Variants in CEP44 observed in about 807,000 individuals in gnomAD.
CEP44 encodes centrosomal protein of 44 kDa.
A neutral mutation model predicts 46.7 loss-of-function variants in CEP44; 45 were observed. The observed-to-expected ratio is 0.96, with a 90% CI of 0.76 to 1.24. The LOEUF is 1.24. Among genes scored for constraint, CEP44 ranks in the 50% most tolerant of loss-of-function variants. The pLI, the probability that CEP44 is intolerant of heterozygous loss-of-function variation, is 0.00. For synonymous variants in CEP44, 142 were observed against 146.0 expected, an observed-to-expected ratio of 0.97 and a Z score of 0.20; for missense variants, 475 against 459.7, an observed-to-expected ratio of 1.03 and a Z score of -0.30.
intron 6 of CEP44, among the ~76,000 whole-genome samples, chr4:174,304,665 TTGCTCTTAATTG>T (rs1447758703): frequency 1.3e-5 from 2 of 152,222 alleles, no homozygotes. Context: ...TTATCTACAT[TTGCTCTTAATTG>T]TGTTCTGGTC....
At chr4:174,295,580 CG>C (rs1560892529) in intron 1 of CEP44, among the ~76,000 whole-genome samples, 1 of 151,236 alleles carries the variant, frequency 6.6e-6, no homozygotes, top group African/African-American at 2.4e-5. Flanking sequence ...ACTTCCCAGA[CG>C]GGGTGGCGGC....
Position 174,331,564 on chromosome 4 carries a change from A to G in CEP44, c.1169A>G (p.Gln390Arg). ...GGGCATACTTCATACCTTTCATCAC[A>G]GAGCTTTGCTTGGCCTCTCTCCTGT... Residue 390 changes from glutamine (Q) to arginine (R), a missense_variant, in exon 9 of 9, where the codon CAG becomes CGG. Physicochemically the swap from Gln to Arg is conservative, Grantham distance 43. Coordinates refer to the CEP44 transcript ENST00000426172. This position sits in a 1 kb window ranked among gnomAD's most constrained non-coding sequence, Gnocchi z 4.5. The G allele has an allele frequency of 6.4e-7, 1 of 1,551,442 alleles. No homozygotes were observed. Among genetic ancestry groups the G allele is most frequent in the East Asian group, 2.4e-5 (1 of 40,906 alleles).
chr4:174,305,963 A>G (rs1273177640), intron 6 of CEP44, among the ~76,000 whole-genome samples: 1 of 152,186 alleles, frequency 6.6e-6, no homozygotes, highest in Non-Finnish European at 1.5e-5. Flanking sequence ...ATCTATTAAA[A>G]TTTATACCAG....
At chr4:174,330,213 G>T (rs1731243642) in intron 8 of CEP44, among the ~76,000 whole-genome samples, 1 of 152,026 alleles carries the variant, frequency 6.6e-6, no homozygotes, top group South Asian at 2.1e-4. Context: ...GATTGGCTGG[G>T]TGCAGTGGCT....
intron 1 of CEP44, among the ~76,000 whole-genome samples, chr4:174,291,837 C>G (rs949095626): frequency 4.2e-5 from 5 of 120,000 alleles, no homozygotes; most frequent in African/African-American, 1.3e-4. Flanking sequence ...GTTGCCCAGG[C>G]TGGAGTGCAG....
At chr4:174,303,666 T>G in intron 4 of CEP44, 37 bp from the exon 5 acceptor site, 3 of 1,377,774 alleles carry the variant, frequency 2.2e-6, no homozygotes, top group Non-Finnish European at 3.0e-6. Context: ...AGAAATAAAT[T>G]GCTCCCAATT....
chr4:174,304,373 T>C lies in CEP44; in HGVS notation c.507+4T>C. 1 of 1,604,216 alleles carries C rather than the reference T, an allele frequency of 6.2e-7. No homozygotes were observed. Among genetic ancestry groups the C allele is most frequent in the Non-Finnish European group, 8.5e-7 (1 of 1,177,564 alleles). On this transcript the variant is annotated splice_donor_region_variant and intron_variant, in intron 6 of 11. Transcript: ENST00000503780. ...CAGGTTTATGACCTCAGGAAAGGTA[T>C]GCAACCACAAAGAAAATATCATATT...
At chr4:174,291,776 C>CTTTTTTTT (rs1738224571) in intron 1 of CEP44, among the ~76,000 whole-genome samples, 1 of 84,216 alleles carries the variant, frequency 1.2e-5, no homozygotes, top group African/African-American at 4.3e-5. Context: ...ATTCTTTTAT[C>CTTTTTTTT]TTTTTCTTTT....
rs1366760128 is a variant in CEP44, at chr4:174,325,370, G to A, written c.1087-6112G>A. On this transcript the variant is annotated intron_variant, in intron 8 of 8. Transcript: ENST00000426172. This position sits in a 1 kb window ranked among gnomAD's most constrained non-coding sequence, Gnocchi z 4.4. ...ATTTATTCATCACTGAGAGAGGGGT[G>A]TAGCCATGTACAGTCACTCATGCCT... 6.6e-6 allele frequency among the ~76,000 whole-genome samples: 1 copy of A among 152,052 alleles called. No individual in the cohort carries two copies. Among genetic ancestry groups the A allele is most frequent in the Non-Finnish European group, 1.5e-5 (1 of 67,988 alleles).
At chr4:174,327,721 G>A (rs1253117258) in intron 8 of CEP44, among the ~76,000 whole-genome samples, 1 of 151,994 alleles carries the variant, frequency 6.6e-6, no homozygotes, top group Non-Finnish European at 1.5e-5. Context: ...AAAAGTTCTA[G>A]GAATACCTGG....
In CEP44 at chr4:174,308,671, A is replaced by C. The variant is rs775066766; in HGVS notation, c.508-18A>C. On this transcript the variant is annotated intron_variant, in intron 6 of 11. Coordinates refer to ENST00000503780, the MANE Select transcript of CEP44 (RefSeq NM_001040157.3). ...AGGAAAACATTGAAGTGTTTCTTACATATTTTTCTCTATGCAGAAGAAAGC... is the reference window on the plus strand; with the variant it reads ...AGGAAAACATTGAAGTGTTTCTTACCTATTTTTCTCTATGCAGAAGAAAGC... The C allele has an allele frequency of 1.3e-6, 2 of 1,575,220 alleles. No homozygotes were observed.
chr4:174,287,704 C>G lies in CEP44; in HGVS notation c.-148+3761C>G, dbSNP rs1265341022. On this transcript the variant is annotated intron_variant, in intron 1 of 11. Coordinates refer to ENST00000503780, the MANE Select transcript of CEP44 (RefSeq NM_001040157.3). The surrounding 1 kb of genome is among the most constrained non-coding windows in gnomAD (Gnocchi z 5.1). The stretch of plus-strand genomic sequence containing the variant: ...TATTAACTTATTAATACACGAAGAT[C>G]AAAAAGTGACCAAAATTGTTCAAAA... Among the ~76,000 whole-genome samples the G allele has an allele frequency of 1.3e-5, 2 of 152,020 alleles. No individual in the cohort carries two copies. The highest frequency in any genetic ancestry group is 2.9e-5 in the Non-Finnish European group (2 of 68,004).
rs893423919 is a variant in CEP44 at position 174,325,433 on chromosome 4, C to T, written c.1087-6049C>T. Among the ~76,000 whole-genome samples the T allele has an allele frequency of 3.3e-5, 5 of 152,098 alleles. No homozygotes were observed. The highest frequency in any genetic ancestry group is 1.2e-4 in the African/African-American group (5 of 41,412). Reference sequence around the variant, plus strand: ...CTTTGGGAGGCTGAGGTAGGAGAATCATTTGAGGCCAGAAGTTCAAGACCA... The same window carrying T: ...CTTTGGGAGGCTGAGGTAGGAGAATTATTTGAGGCCAGAAGTTCAAGACCA... On this transcript the variant is annotated intron_variant, in intron 8 of 8. Coordinates refer to the CEP44 transcript ENST00000426172. The surrounding 1 kb of genome is among the most constrained non-coding windows in gnomAD (Gnocchi z 4.4).
chr4:174,320,105 T>C lies in CEP44; in HGVS notation c.*2722T>C, dbSNP rs146195581. On this transcript the variant is annotated 3_prime_UTR_variant, in exon 12 of 12. Transcript: ENST00000503780. ...TGCCCTGTCTATGTTATGCTCTGAA[T>C]AGGTCTCGGTAAAGATTATATGGAA... 1 of 985,296 alleles carries C rather than the reference T, an allele frequency of 1.0e-6. No individual in the cohort carries two copies. Among genetic ancestry groups the C allele is most frequent in the African/African-American group, 1.7e-5 (1 of 57,320 alleles). 61.0% of individuals were successfully genotyped at this position (985,296 alleles called of 1,614,324 possible).
At position 174,303,827 on chromosome 4, in the gene CEP44, AG is replaced by A. The variant is rs768810297; in HGVS notation, c.364del (p.Glu122AsnfsTer2). 7 of 1,571,136 alleles carry A rather than the reference AG, an allele frequency of 4.5e-6. No individual in the cohort carries two copies. The Admixed American group carries it at 1.2e-4, about 26-fold the overall frequency. Reference sequence around the variant, plus strand: ...TTGAATTGTGTGATGAAAAAGCACAAGGAATTAAGCAGTCTTCAGAAGGTAA... The same window carrying A: ...TTGAATTGTGTGATGAAAAAGCACAAGAATTAAGCAGTCTTCAGAAGGTAA... ...DILNCVMKKH[K>X]ELSSLQKIPS... On this transcript the variant is annotated frameshift_variant, in exon 5 of 12. Coordinates refer to ENST00000503780, the MANE Select transcript of CEP44 (RefSeq NM_001040157.3). LOFTEE classifies it high-confidence loss of function.
At chr4:174,321,904 G>A (rs1403313408), downstream of CEP44, among the ~76,000 whole-genome samples, 1 of 152,098 alleles carries the variant, frequency 6.6e-6, no homozygotes, top group Non-Finnish European at 1.5e-5. Context: ...CGAGAGGAGA[G>A]GAAAACAGAA....
rs1742098707 is a variant in CEP44, at chr4:174,319,499, GA to G, written c.*2123del. 3.2e-6 allele frequency: 3 copies of G among 928,556 alleles called. No individual in the cohort carries two copies. The highest frequency in any genetic ancestry group is 1.8e-5 in the African/African-American group (1 of 56,040). 57.5% of individuals were successfully genotyped at this position (928,556 alleles called of 1,614,324 possible). ...TTTTGAAGTTTTCTTATGGAAGATA[GA>G]AAAAAAGTTAAGTCTCTTTCTACCC... is the stretch of plus-strand genomic sequence containing the variant. On this transcript the variant is annotated 3_prime_UTR_variant, in exon 12 of 12. Transcript: ENST00000503780.
intron 2 of CEP44, among the ~76,000 whole-genome samples, 165 bp from the exon 3 acceptor site, chr4:174,298,907 T>C (rs903016686): frequency 1.3e-5 from 2 of 152,100 alleles, no homozygotes; most frequent in African/African-American, 2.4e-5. Flanking sequence ...CAGAAACTTA[T>C]AGTAGTTACA....
At position 174,310,139 on chromosome 4, in the gene CEP44, A is replaced by G; in HGVS notation, c.885+83A>G. The G allele has an allele frequency of 8.2e-7, 1 of 1,221,510 alleles. No individual in the cohort carries two copies. Among genetic ancestry groups the G allele is most frequent in the Non-Finnish European group, 1.1e-6 (1 of 882,492 alleles). 75.7% of individuals were successfully genotyped at this position (1,221,510 alleles called of 1,614,324 possible). ...ATTGTTATATGTGTATTTTTTTGGA[A>G]ATGCTAAATATGAGAATATTTGAAT... On this transcript the variant is annotated intron_variant, in intron 8 of 11. Coordinates refer to ENST00000503780, the MANE Select transcript of CEP44 (RefSeq NM_001040157.3). This position sits in a 1 kb window ranked among gnomAD's most constrained non-coding sequence, Gnocchi z 4.2.
Sources: gnomAD v4.1 joint callset for allele counts (sites outside exome capture counted in the v4.1 genomes callset) on GRCh38, gnomAD v4.1.1 for gene constraint, Gnocchi (gnomAD v3.1) non-coding constraint, MANE v1.5 for transcripts, NCBI Gene and HGNC (gene_info 2026-07-23, HGNC 2026-07-21) for gene names.